Variants in GRIP1 observed in about 807,000 individuals in gnomAD.
GRIP1 encodes glutamate receptor-interacting protein 1.
In GRIP1, 45 loss-of-function variants were observed where a neutral mutation model predicts 129.9. The observed-to-expected ratio is 0.35, with a 90% CI of 0.27 to 0.44. The LOEUF is 0.44. GRIP1 is among the 20% of genes least tolerant of loss of function. GRIP1 has a pLI of 1.00. For synonymous variants in GRIP1, 530 were observed against 520.8 expected (o/e 1.02, Z -0.24); for missense variants, 1,196 against 1,396.8 (o/e 0.86, Z 2.29).
At chr12:67,015,877 T>G (rs1325189176) in intron 1 of GRIP1, among the ~76,000 whole-genome samples, 2 of 152,140 alleles carry the variant, frequency 1.3e-5, no homozygotes, top group Non-Finnish European at 2.9e-5. Flanking sequence ...AAAGTAGCAT[T>G]AGAATAGAGT....
intron 1 of GRIP1, among the ~76,000 whole-genome samples, chr12:66,863,283 C>G (rs148897382): frequency 2.0e-5 from 3 of 152,214 alleles, no homozygotes; most frequent in East Asian, 1.9e-4. Flanking sequence ...AACACACTGT[C>G]CTAGGTGCTA....
At chr12:66,620,348 GATGCA>G (rs2065213441) in intron 1 of GRIP1, among the ~76,000 whole-genome samples, 1 of 152,136 alleles carries the variant, frequency 6.6e-6, no homozygotes, top group South Asian at 2.1e-4. Flanking sequence ...AAGACACATG[GATGCA>G]ATGCCACCAT....
intron 22 of GRIP1, among the ~76,000 whole-genome samples, chr12:66,375,834 A>T (rs1302161815): frequency 6.6e-6 from 1 of 152,214 alleles, no homozygotes; most frequent in Non-Finnish European, 1.5e-5. Flanking sequence ...TGTTAGAAAA[A>T]CAACTTTTTT....
rs773547992 is a variant in GRIP1 at position 66,969,717 on chromosome 12, C to CT, written c.58+99332dup. Among the ~76,000 whole-genome samples the CT allele has an allele frequency of 1.1e-4, 16 of 151,798 alleles. No homozygotes were observed. The South Asian group carries it at 1.7e-3, about 16-fold the overall frequency. ...CAGGTGTGAGCCACCATGCCTGGCTCTTTTTTTTCCCATTCTTTTATTTTT... is the reference window on the plus strand; with the variant it reads ...CAGGTGTGAGCCACCATGCCTGGCTCTTTTTTTTTCCCATTCTTTTATTTTT... On this transcript the variant is annotated intron_variant, in intron 1 of 1. Coordinates refer to the GRIP1 transcript ENST00000643019.
At chr12:66,803,959 G>T in intron 1 of GRIP1, 1 of 366,534 alleles carries the variant, frequency 2.7e-6, no homozygotes, top group South Asian at 2.0e-5. Context: ...CACCATCTGA[G>T]AAACCTTTTG....
At chr12:67,056,068 G>A (rs2043430186) in intron 1 of GRIP1, among the ~76,000 whole-genome samples, 1 of 152,156 alleles carries the variant, frequency 6.6e-6, no homozygotes, top group African/African-American at 2.4e-5. Context: ...AACAGACAAT[G>A]AGTTCTTGAT....
chr12:66,528,558 AT>A (rs1189584104), intron 5 of GRIP1, among the ~76,000 whole-genome samples: 1 of 152,194 alleles, frequency 6.6e-6, no homozygotes, highest in East Asian at 1.9e-4. Flanking sequence ...TCTTCGATCC[AT>A]TTTTAGAAAG....
chr12:66,988,451 C>T (rs2042346649), intron 1 of GRIP1, among the ~76,000 whole-genome samples: 2 of 152,108 alleles, frequency 1.3e-5, no homozygotes, highest in African/African-American at 4.8e-5. Flanking sequence ...ACAATCTCGG[C>T]TCACTGCAAC....
intron 22 of GRIP1, among the ~76,000 whole-genome samples, chr12:66,375,566 T>C (rs1465129061): frequency 1.3e-5 from 2 of 152,220 alleles, no homozygotes; most frequent in South Asian, 2.1e-4. Context: ...ATTTATGAAT[T>C]TGCCAATCAT....
At chr12:67,040,239 T>C (rs1306485333) in intron 1 of GRIP1, among the ~76,000 whole-genome samples, 1 of 140,824 alleles carries the variant, frequency 7.1e-6, no homozygotes. Flanking sequence ...CAAAGTGTCA[T>C]GGGTGAGCTC....
intron 16 of GRIP1, among the ~76,000 whole-genome samples, chr12:66,398,221 C>CT (rs2056865751): frequency 6.6e-6 from 1 of 152,062 alleles, no homozygotes; most frequent in Admixed American, 6.5e-5. Context: ...CTTCTCTTTC[C>CT]TTCCCAGAAT....
chr12:66,857,900 G>A (rs1243184398), intron 1 of GRIP1, among the ~76,000 whole-genome samples: 1 of 151,982 alleles, frequency 6.6e-6, no homozygotes, highest in South Asian at 2.1e-4. Flanking sequence ...ATGATGGAGT[G>A]TCTGAAACTA....
chr12:66,609,140 T>C (rs943456975), intron 1 of GRIP1, among the ~76,000 whole-genome samples: 2 of 151,980 alleles, frequency 1.3e-5, no homozygotes, highest in Non-Finnish European at 2.9e-5. Context: ...GTTACAAATC[T>C]GTCTAAGGCT....
chr12:66,852,339 C>G (rs953998725), intron 1 of GRIP1, among the ~76,000 whole-genome samples: 2 of 151,688 alleles, frequency 1.3e-5, no homozygotes, highest in Non-Finnish European at 2.9e-5. Flanking sequence ...AGCAGCCCTC[C>G]CAAGAAGTTC....
intron 1 of GRIP1, among the ~76,000 whole-genome samples, chr12:66,664,997 T>C (rs555599255): frequency 2.0e-5 from 3 of 152,278 alleles, no homozygotes; most frequent in South Asian, 4.1e-4. Context: ...TTGCAATTTC[T>C]TGGCTTACTA....
At chr12:66,595,431 T>C (rs985230119) in intron 2 of GRIP1, among the ~76,000 whole-genome samples, 2 of 152,166 alleles carry the variant, frequency 1.3e-5, no homozygotes, top group Middle Eastern at 3.2e-3. Flanking sequence ...TTGCTTAGTA[T>C]CCCATAGAGT....
chr12:66,815,027 C>A (rs190665365), intron 1 of GRIP1, among the ~76,000 whole-genome samples: 2 of 152,106 alleles, frequency 1.3e-5, no homozygotes, highest in Non-Finnish European at 2.9e-5. Context: ...GATTACAATT[C>A]GAGATGAGAT....
rs554747038 is a variant in GRIP1, at chr12:66,927,393, T to G, written c.58+141657A>C. 2.8e-4 allele frequency among the ~76,000 whole-genome samples: 43 copies of G among 152,290 alleles called. No individual in the cohort carries two copies. In the East Asian group the frequency reaches 7.7e-3, roughly 27 times the overall value. On this transcript the variant is annotated intron_variant, in intron 1 of 1. Coordinates refer to the GRIP1 transcript ENST00000643019. The stretch of plus-strand genomic sequence containing the variant: ...GTCCCCACTCCTCTAGAGCTTATAA[T>G]AGAACACATATTGATTGAAGATAAA...
chr12:66,531,648 T>G (rs562572794), intron 4 of GRIP1, among the ~76,000 whole-genome samples: 117 of 152,240 alleles, frequency 7.7e-4, no homozygotes, highest in African/African-American at 2.7e-3. Flanking sequence ...AATTTCAGCT[T>G]AGACTAATCA....
Sources: gnomAD v4.1 joint callset for allele counts (sites outside exome capture counted in the v4.1 genomes callset) on GRCh38, gnomAD v4.1.1 for gene constraint, MANE v1.5 for transcripts, NCBI Gene and HGNC (gene_info 2026-07-23, HGNC 2026-07-21) for gene names.